The following VPS13C variants were observed in gnomAD, a reference collection of about 807,000 sequenced individuals.
VPS13C encodes vacuolar protein sorting 13 homolog C.
Under a neutral mutation model 456.8 loss-of-function variants are expected in VPS13C, and 358 were observed. The ratio of observed to expected loss-of-function variants is 0.78; its 90% CI spans 0.72 to 0.86. The LOEUF (loss-of-function observed/expected upper bound fraction) is 0.86, where lower values mean the gene tolerates loss of function less well. Among genes scored for constraint, VPS13C ranks in the 40% least tolerant of loss-of-function variants. The probability of loss-of-function intolerance (pLI) is 0.00; values close to 1 mark genes in which losing one functional copy is unlikely to be tolerated. For synonymous variants in VPS13C, 1,578 were observed against 1,486.7 expected (o/e 1.06, Z -1.41); for missense variants, 4,818 against 4,385.4 (o/e 1.10, Z -2.79).
rs1172207729 is a variant in VPS13C at position 62,054,735 on chromosome 15, TA to T, written c.100+5539del. Reference sequence around the variant, plus strand: ...TGTATCCCAGAACTTAAAGTAGAAGTAAAAAAAAAAAAGAAGAGGAAGAAGA... The same window carrying T: ...TGTATCCCAGAACTTAAAGTAGAAGTAAAAAAAAAAAGAAGAGGAAGAAGA... On this transcript the variant is annotated intron_variant, in intron 1 of 84. Transcript: ENST00000644861. 2.8e-3 allele frequency among the ~76,000 whole-genome samples: 363 copies of T among 130,618 alleles called. 2 individuals carry two copies. The East Asian group carries it at 0.032, about 12-fold the overall frequency. The allele number at this position is 130,618 out of a possible 152,430, so 85.7% of individuals were successfully genotyped here.
At chr15:61,923,769 G>A (rs577170055) in intron 53 of VPS13C, among the ~76,000 whole-genome samples, 2 of 146,686 alleles carry the variant, frequency 1.4e-5, no homozygotes, top group African/African-American at 2.5e-5. Flanking sequence ...CTTTTTTTCC[G>A]TGTCTTATTA....
chr15:61,875,847 TA>T lies in VPS13C; in HGVS notation c.10225-3del. 1 of 1,553,088 alleles carries T rather than the reference TA, an allele frequency of 6.4e-7. No individual in the cohort carries two copies. The highest frequency in any genetic ancestry group is 8.7e-7 in the Non-Finnish European group (1 of 1,155,646). ...AAGGACATACATCTGTTTCAAGAAC[TA>T]AAAAAGAAAAAAAATTAAATTAAGT... On this transcript the variant is annotated splice_polypyrimidine_tract_variant and splice_region_variant and intron_variant, in intron 75 of 84. Transcript: ENST00000644861.
intron 58 of VPS13C, 47 bp from the exon 59 acceptor site, chr15:61,918,304 C>T (rs758594920): frequency 9.7e-6 from 14 of 1,439,984 alleles, no homozygotes; most frequent in East Asian, 5.2e-5. Context: ...TATGTAAGTT[C>T]GAAAGAAAAA....
rs921162122 is a variant in VPS13C at position 61,925,479 on chromosome 15, T to C, written c.6586A>G (p.Met2196Val). Residue 2196 changes from methionine (M) to valine (V), a missense_variant, in exon 53 of 85, where the codon ATG becomes GTG. Coordinates refer to ENST00000644861, the MANE Select transcript of VPS13C (RefSeq NM_020821.3). ...WASGKQNINI[M>V]VKEFIIKISP... ...ACCTTAATTATAAATTCTTTAACCA[T>C]AATATTTATATTTTGCTTTCCTGAA... 6 of 1,590,128 alleles carry C rather than the reference T, an allele frequency of 3.8e-6. No individual in the cohort carries two copies. Among genetic ancestry groups the C allele is most frequent in the Non-Finnish European group, 5.1e-6 (6 of 1,166,938 alleles).
intron 49 of VPS13C, 65 bp downstream of exon 49, chr15:61,934,154 A>C (rs2044148838): frequency 9.3e-7 from 1 of 1,076,030 alleles, no homozygotes; most frequent in Non-Finnish European, 1.3e-6. Flanking sequence ...AAAAAAAGCC[A>C]ACACTCTAAA....
intron 67 of VPS13C, among the ~76,000 whole-genome samples, chr15:61,888,175 T>A (rs562213319): frequency 6.6e-6 from 1 of 152,106 alleles, no homozygotes; most frequent in East Asian, 1.9e-4. Context: ...ATAGCTAAAA[T>A]CCAAAACACC....
chr15:62,005,106 A>G (rs1230594236), intron 15 of VPS13C, among the ~76,000 whole-genome samples: 1 of 151,978 alleles, frequency 6.6e-6, no homozygotes, highest in African/African-American at 2.4e-5. Flanking sequence ...GATCTGTCTA[A>G]TGTTGACAGT....
chr15:61,887,659 C>T, intron 67 of VPS13C, among the ~76,000 whole-genome samples: 1 of 151,974 alleles, frequency 6.6e-6, no homozygotes, highest in South Asian at 2.1e-4. Flanking sequence ...CCACTGCACT[C>T]CAGCCTGGGC....
chr15:61,985,511 C>T (rs2046020641), intron 18 of VPS13C, among the ~76,000 whole-genome samples: 1 of 152,174 alleles, frequency 6.6e-6, no homozygotes, highest in South Asian at 2.1e-4. Context: ...CCCACCTCAG[C>T]CTCCCAGAGT....
At chr15:61,954,617 T>C (rs2044923169) in intron 37 of VPS13C, 63 bp from the exon 38 acceptor site, 3 of 1,478,878 alleles carry the variant, frequency 2.0e-6, no homozygotes, top group Non-Finnish European at 2.7e-6. Flanking sequence ...ATATTTATTG[T>C]GGACTTATAT....
intron 66 of VPS13C, among the ~76,000 whole-genome samples, chr15:61,896,584 C>T (rs1486137138): frequency 2.7e-5 from 4 of 148,664 alleles, no homozygotes; most frequent in Non-Finnish European, 6.0e-5. Flanking sequence ...TATCCCGCAC[C>T]TGGCTCGGAG....
chr15:61,947,336 G>A (rs2044639913), intron 42 of VPS13C, 27 bp from the exon 43 acceptor site: 3 of 1,504,900 alleles, frequency 2.0e-6, no homozygotes, highest in East Asian at 4.6e-5. Context: ...ACCTTCTGAT[G>A]AGCAAAGGGA....
chr15:61,956,963 CA>C (rs912069854), intron 37 of VPS13C, among the ~76,000 whole-genome samples: 20 of 149,796 alleles, frequency 1.3e-4, no homozygotes, highest in Non-Finnish European at 2.5e-4. Context: ...CCTATGTATC[CA>C]AAAAAAAAGT....
chr15:61,907,237 A>G (rs1042054852), intron 66 of VPS13C, 27 bp downstream of exon 66: 4 of 1,612,890 alleles, frequency 2.5e-6, no homozygotes, highest in East Asian at 4.5e-5. Flanking sequence ...GGTAACTCAT[A>G]TAGCACTCAT....
intron 66 of VPS13C, among the ~76,000 whole-genome samples, chr15:61,901,322 C>A (rs1186213465): frequency 1.3e-5 from 2 of 151,966 alleles, no homozygotes; most frequent in African/African-American, 4.8e-5. Context: ...AGTGAACAGG[C>A]AACCTACAAA....
At chr15:61,859,002 G>T (rs1372223995) in intron 82 of VPS13C, among the ~76,000 whole-genome samples, 1 of 152,072 alleles carries the variant, frequency 6.6e-6, no homozygotes, top group Non-Finnish European at 1.5e-5. Flanking sequence ...CAAACCTTCT[G>T]TGGGGTAGAA....
At chr15:61,991,879 AC>A (rs1360928880) in intron 16 of VPS13C, 77 bp from the exon 17 acceptor site, 37 of 1,490,848 alleles carry the variant, frequency 2.5e-5, no homozygotes, top group African/African-American at 2.9e-5. Flanking sequence ...GGAAAAAAAA[AC>A]AATGGTTCTT....
chr15:62,001,767 T>C (rs1425482251), intron 15 of VPS13C, among the ~76,000 whole-genome samples: 1 of 151,882 alleles, frequency 6.6e-6, no homozygotes, highest in Non-Finnish European at 1.5e-5. Context: ...GAATATGCGG[T>C]GTTTGGTTTT....
rs146403551 is a variant in VPS13C at position 61,880,939 on chromosome 15, G to A, written c.9792C>T (p.Leu3264=). 1 of 1,605,646 alleles carries A rather than the reference G, an allele frequency of 6.2e-7. No homozygotes were observed. Among genetic ancestry groups the A allele is most frequent in the African/African-American group, 1.3e-5 (1 of 74,416 alleles). Reference sequence around the variant, plus strand: ...CAATTTTTAAGGCCATTTCCTGAATGAGGACCATAAAATACCTAAGAAAAA... The same window carrying A: ...CAATTTTTAAGGCCATTTCCTGAATAAGGACCATAAAATACCTAAGAAAAA... ...KVLQFKYFMV[L]IQEMALKIDQ... The change falls in exon 72 of 85, where the codon CTC becomes CTT. Residue 3264 remains leucine, a synonymous_variant. Transcript: ENST00000644861.
Sources: gnomAD v4.1 joint callset for allele counts (sites outside exome capture counted in the v4.1 genomes callset) on GRCh38, gnomAD v4.1.1 for gene constraint, MANE v1.5 for transcripts, NCBI Gene and HGNC (gene_info 2026-07-23, HGNC 2026-07-21) for gene names.